LHFPL6: variants seen among roughly 807,000 people sequenced by gnomAD.
The protein encoded by LHFPL6 is LHFPL tetraspan subfamily member 6 protein.
LHFPL6 carries 9 observed loss-of-function variants against 20.6 expected under a neutral mutation model. The observed-to-expected ratio is 0.44, with a 90% CI of 0.26 to 0.76. LHFPL6 has a LOEUF of 0.76. Among genes scored for constraint, LHFPL6 ranks in the 30% least tolerant of loss-of-function variants. LHFPL6 has a pLI of 0.20. For missense variants in LHFPL6, 218 were observed against 253.5 expected (o/e 0.86, Z 0.95); for synonymous variants, 105 against 98.7 (o/e 1.06, Z -0.38).
intron 2 of LHFPL6, among the ~76,000 whole-genome samples, chr13:39,399,303 A>G (rs981919270): frequency 1.3e-5 from 2 of 152,254 alleles, no homozygotes; most frequent in Non-Finnish European, 2.9e-5. Context: ...GGTTTTACAT[A>G]TTCATTTCTG....
At chr13:39,506,436 G>T (rs1869486939) in intron 2 of LHFPL6, among the ~76,000 whole-genome samples, 1 of 152,082 alleles carries the variant, frequency 6.6e-6, no homozygotes, top group South Asian at 2.1e-4. Context: ...GAGTCCCATG[G>T]GATTTCACGC....
At position 39,509,064 on chromosome 13, in the gene LHFPL6, G is replaced by A. The variant is rs866255847; in HGVS notation, c.385+91768C>T. On this transcript the variant is annotated intron_variant, in intron 2 of 3. Coordinates refer to ENST00000379589, the MANE Select transcript of LHFPL6 (RefSeq NM_005780.3). The stretch of plus-strand genomic sequence containing the variant: ...TAGTAAGCACTGAATGGTATCTCAC[G>A]GTGGTTTTAATTTGCATTTCCTAAA... Among the ~76,000 whole-genome samples the A allele has an allele frequency of 1.2e-4, 18 of 152,086 alleles. 1 individual carries two copies. The South Asian group carries it at 1.2e-3, about 11-fold the overall frequency.
intron 2 of LHFPL6, among the ~76,000 whole-genome samples, chr13:39,473,147 T>C (rs17060034): frequency 0.13 from 19,890 of 151,312 alleles, 2,679 homozygotes; most frequent in African/African-American, 0.33. Flanking sequence ...AGATGCAGAG[T>C]GGGAAACAGG....
intron 2 of LHFPL6, among the ~76,000 whole-genome samples, chr13:39,473,333 ATC>A (rs1872995399): frequency 6.9e-6 from 1 of 143,954 alleles, no homozygotes; most frequent in Non-Finnish European, 1.5e-5. Flanking sequence ...AAGATACTAG[ATC>A]ACACACAAAC....
chr13:39,597,520 A>C (rs1872805623), intron 2 of LHFPL6, among the ~76,000 whole-genome samples: 1 of 152,214 alleles, frequency 6.6e-6, no homozygotes, highest in South Asian at 2.1e-4. Context: ...TAGCATCCTT[A>C]CCACACTATA....
chr13:39,415,186 T>C (rs1013771677), intron 2 of LHFPL6, among the ~76,000 whole-genome samples: 1 of 152,204 alleles, frequency 6.6e-6, no homozygotes, highest in African/African-American at 2.4e-5. Context: ...ATACCATGAC[T>C]GAGCTGGTGG....
chr13:39,589,952 A>G (rs1404300624), intron 2 of LHFPL6, among the ~76,000 whole-genome samples: 1 of 152,208 alleles, frequency 6.6e-6, no homozygotes, highest in Non-Finnish European at 1.5e-5. Flanking sequence ...CTATCATACC[A>G]GAAGCATAAA....
chr13:39,568,504 G>T (rs1291164128), intron 2 of LHFPL6, among the ~76,000 whole-genome samples: 2 of 152,026 alleles, frequency 1.3e-5, no homozygotes, highest in Non-Finnish European at 2.9e-5. Context: ...ATATATATCT[G>T]CCTATATAAA....
intron 2 of LHFPL6, among the ~76,000 whole-genome samples, chr13:39,452,125 CAGAG>C (rs60613104): frequency 6.6e-6 from 1 of 150,526 alleles, no homozygotes; most frequent in East Asian, 2.0e-4. Context: ...AAGGATATAA[CAGAG>C]AGTTTAAATG....
intron 2 of LHFPL6, among the ~76,000 whole-genome samples, chr13:39,416,593 T>C (rs1310373217): frequency 1.3e-5 from 2 of 152,208 alleles, no homozygotes; most frequent in Non-Finnish European, 2.9e-5. Context: ...AGTCTGCAGC[T>C]GGAGAACAGT....
At chr13:39,553,386 G>C (rs1182413702) in intron 2 of LHFPL6, among the ~76,000 whole-genome samples, 1 of 152,132 alleles carries the variant, frequency 6.6e-6, no homozygotes, top group African/African-American at 2.4e-5. Context: ...CAGTGGAAGT[G>C]ACACTATGTC....
chr13:39,585,721 C>T (rs1872428491), intron 2 of LHFPL6, among the ~76,000 whole-genome samples: 1 of 152,166 alleles, frequency 6.6e-6, no homozygotes, highest in African/African-American at 2.4e-5. Flanking sequence ...TGCTCCCTGC[C>T]CACCTGTTTG....
chr13:39,513,634 T>G (rs1304721730), intron 2 of LHFPL6, among the ~76,000 whole-genome samples: 1 of 152,202 alleles, frequency 6.6e-6, no homozygotes, highest in African/African-American at 2.4e-5. Flanking sequence ...AGTTACTATA[T>G]CAGGAGCTTT....
At chr13:39,484,771 A>C (rs1868664689) in intron 2 of LHFPL6, among the ~76,000 whole-genome samples, 1 of 152,138 alleles carries the variant, frequency 6.6e-6, no homozygotes, top group African/African-American at 2.4e-5. Flanking sequence ...AGTGATTCTC[A>C]CTTGCGGAGG....
chr13:39,439,395 G>C (rs1336745204), intron 2 of LHFPL6, among the ~76,000 whole-genome samples: 3 of 152,158 alleles, frequency 2.0e-5, no homozygotes, highest in South Asian at 4.1e-4. Flanking sequence ...CAGGCTAATA[G>C]TTGGAACGGA....
At chr13:39,461,276 C>A (rs775818349) in intron 2 of LHFPL6, among the ~76,000 whole-genome samples, 2 of 152,034 alleles carry the variant, frequency 1.3e-5, no homozygotes, top group South Asian at 2.1e-4. Context: ...TTTGCTATTG[C>A]GAATAGTACT....
chr13:39,501,565 C>A (rs142202958), intron 2 of LHFPL6, among the ~76,000 whole-genome samples: 7 of 152,146 alleles, frequency 4.6e-5, no homozygotes, highest in Non-Finnish European at 8.8e-5. Context: ...GAGGCTTCCC[C>A]CCAGGCTCTA....
At chr13:39,364,203 A>G (rs988811530) in intron 3 of LHFPL6, among the ~76,000 whole-genome samples, 4 of 152,234 alleles carry the variant, frequency 2.6e-5, no homozygotes, top group African/African-American at 4.8e-5. Flanking sequence ...AGATGGGCCA[A>G]TCAGAGAAAC....
intron 2 of LHFPL6, among the ~76,000 whole-genome samples, chr13:39,472,288 G>T (rs975958680): frequency 6.6e-6 from 1 of 152,070 alleles, no homozygotes; most frequent in African/African-American, 2.4e-5. Flanking sequence ...AATCCGAGAT[G>T]CCTTCCCCTT....
Sources: allele counts gnomAD v4.1 joint callset (sites outside exome capture counted in the v4.1 genomes callset), GRCh38; gene constraint gnomAD v4.1.1; transcripts MANE v1.5; gene names NCBI Gene and HGNC (gene_info 2026-07-23, HGNC 2026-07-21).